The following CSF2RA variants were observed in gnomAD, a reference collection of about 807,000 sequenced individuals.
The protein encoded by CSF2RA is granulocyte-macrophage colony-stimulating factor receptor subunit alpha.
Under a neutral mutation model 51.6 loss-of-function variants are expected in CSF2RA, and 42 were observed. The ratio of observed to expected loss-of-function variants is 0.81; its 90% confidence interval spans 0.64 to 1.05. The LOEUF (loss-of-function observed/expected upper bound fraction) is 1.05. Ranked by LOEUF, CSF2RA falls within the 50% of genes least tolerant of loss-of-function variation. The probability of loss-of-function intolerance (pLI) is 0.00; values close to 1 mark genes in which losing one functional copy is unlikely to be tolerated. For synonymous variants in CSF2RA, 222 were observed against 193.0 expected (o/e 1.15, Z -1.24); for missense variants, 530 against 501.1 (o/e 1.06, Z -0.55).
chrX:1,280,585 T>C (rs2089781779), intron 2 of CSF2RA, among the ~76,000 whole-genome samples: 1 of 152,102 alleles, frequency 6.6e-6, no homozygotes, highest in Admixed American at 6.6e-5. Flanking sequence ...AAACATTTTC[T>C]GGTTGACAAT....
At chrX:1,309,221 A>G (rs1280126764) in intron 12 of CSF2RA, among the ~76,000 whole-genome samples, 181 bp from the exon 13 acceptor site, 1 of 152,108 alleles carries the variant, frequency 6.6e-6, no homozygotes, top group Non-Finnish European at 1.5e-5. Flanking sequence ...AGGCTGAGGC[A>G]GGAGAATCGC....
intron 11 of CSF2RA, among the ~76,000 whole-genome samples, chrX:1,304,847 T>A (rs2083396173): frequency 6.7e-6 from 1 of 150,124 alleles, no homozygotes; most frequent in African/African-American, 2.5e-5. Context: ...GTATTTTTAG[T>A]AGAGATGGGG....
chrX:1,315,330 A>G (rs1443469962), downstream of CSF2RA, among the ~76,000 whole-genome samples: 3 of 152,296 alleles, frequency 2.0e-5, no homozygotes, highest in East Asian at 5.8e-4. Flanking sequence ...ATAGATGTAT[A>G]GGTAACAGAT....
intron 4 of CSF2RA, among the ~76,000 whole-genome samples, chrX:1,286,223 AGCTCGT>A (rs1190549204): frequency 1.3e-5 from 2 of 152,006 alleles, no homozygotes; most frequent in East Asian, 3.9e-4. Context: ...CAGTGAGTCG[AGCTCGT>A]GCCATTGCAC....
intron 11 of CSF2RA, among the ~76,000 whole-genome samples, chrX:1,304,557 C>T (rs1193164581): frequency 6.6e-6 from 1 of 151,728 alleles, no homozygotes; most frequent in Non-Finnish European, 1.5e-5. Flanking sequence ...TCTGAAGTCA[C>T]TGCTGTTGAA....
At chrX:1,294,683 A>G (rs747335831) in intron 8 of CSF2RA, among the ~76,000 whole-genome samples, 13 of 152,086 alleles carry the variant, frequency 8.5e-5, no homozygotes, top group Admixed American at 2.6e-4. Context: ...GACAAGGATG[A>G]TCCTGCAACC....
chrX:1,323,385 T>G, the CSF2RA span, among the ~76,000 whole-genome samples: 1 of 151,742 alleles, frequency 6.6e-6, no homozygotes, highest in Non-Finnish European at 1.5e-5. Flanking sequence ...TTCCTGTTAT[T>G]AAACGTCCAT....
rs111492154 is a variant in CSF2RA at position 1,301,463 on chromosome X, G to A, written c.946+837G>A. 4.1e-3 allele frequency among the ~76,000 whole-genome samples: 619 copies of A among 151,878 alleles called. 2 individuals carry two copies. The highest frequency in any genetic ancestry group is 0.014 in the African/African-American group (590 of 41,450). On this transcript the variant is annotated intron_variant, in intron 10 of 12. Coordinates refer to ENST00000381529, the MANE Select transcript of CSF2RA (RefSeq NM_172245.4). ...TAGAATCCCTTAATAGCCAGAGAAG[G>A]ACCCCACTGATAGCCCTCCTAAAGT... is the stretch of plus-strand genomic sequence containing the variant.
Position 1,284,195 on chromosome X carries a change from C to T in CSF2RA, c.76+1416C>T, listed in dbSNP as rs868659545. 4.7e-4 allele frequency among the ~76,000 whole-genome samples: 43 copies of T among 91,772 alleles called. 1 individual carries two copies. The highest frequency in any genetic ancestry group is 1.5e-3 in the African/African-American group (38 of 25,402). The allele number at this position is 91,772 out of a possible 152,430, so 60.2% of individuals were successfully genotyped here. Reference sequence around the variant, plus strand: ...CAAGCGGTTTTCTTTCTCTGTCTCTCTTTTTTTTTTTTTTTTTTTTTTTTT... The same window carrying T: ...CAAGCGGTTTTCTTTCTCTGTCTCTTTTTTTTTTTTTTTTTTTTTTTTTTT... On this transcript the variant is annotated intron_variant, in intron 3 of 12. Coordinates refer to ENST00000381529, the MANE Select transcript of CSF2RA (RefSeq NM_172245.4).
At chrX:1,288,392 G>C (rs1369510665) in intron 4 of CSF2RA, 127 bp from the exon 5 acceptor site, 1 of 981,200 alleles carries the variant, frequency 1.0e-6, no homozygotes, top group East Asian at 2.7e-5. Context: ...TGAGGCGGGA[G>C]AATTGCTTGA....
In CSF2RA at chrX:1,288,511, T is replaced by C; in HGVS notation, c.220-8T>C. ...CCTAATCGGCTCTGTCTGGTTGCAATTCTTCAGCTCAGTAACAACGAATGT... is the reference window on the plus strand; with the variant it reads ...CCTAATCGGCTCTGTCTGGTTGCAACTCTTCAGCTCAGTAACAACGAATGT... On this transcript the variant is annotated splice_region_variant and splice_polypyrimidine_tract_variant and intron_variant, in intron 4 of 12. Transcript: ENST00000381529. 6.2e-7 allele frequency: 1 copy of C among 1,613,938 alleles called. No homozygotes were observed. Among genetic ancestry groups the C allele is most frequent in the Non-Finnish European group, 8.5e-7 (1 of 1,179,862 alleles).
At chrX:1,305,637 C>T (rs764531459) in intron 12 of CSF2RA, 110 bp downstream of exon 12, 1 of 1,612,538 alleles carries the variant, frequency 6.2e-7, no homozygotes, top group South Asian at 1.1e-5. Flanking sequence ...GATGGGACCG[C>T]AGCGTCACCA....
chrX:1,269,347 G>C (rs1441185684), intron 1 of CSF2RA, among the ~76,000 whole-genome samples: 3 of 152,058 alleles, frequency 2.0e-5, no homozygotes, highest in African/African-American at 4.8e-5. Flanking sequence ...GCGGCCGGGC[G>C]TGGTGGCTCA....
downstream of CSF2RA, among the ~76,000 whole-genome samples, chrX:1,314,573 ACCTGC>A (rs1569514954): frequency 5.6e-4 from 21 of 37,396 alleles, no homozygotes; most frequent in Non-Finnish European, 7.3e-4. Flanking sequence ...ATCCCACTGC[ACCTGC>A]CCAACCCCAC....
At chrX:1,280,235 G>GAT (rs2089718141) in intron 2 of CSF2RA, among the ~76,000 whole-genome samples, 3 of 152,088 alleles carry the variant, frequency 2.0e-5, no homozygotes, top group Non-Finnish European at 4.4e-5. Context: ...AGTTTGAGAA[G>GAT]CTGAGGCAGG....
chrX:1,270,684 C>G (rs146110852), intron 1 of CSF2RA, among the ~76,000 whole-genome samples: 1 of 151,558 alleles, frequency 6.6e-6, no homozygotes, highest in Non-Finnish European at 1.5e-5. Flanking sequence ...TATCTTGCGT[C>G]AGGAATGGCT....
At chrX:1,288,098 A>C (rs1168494596) in intron 4 of CSF2RA, among the ~76,000 whole-genome samples, 1 of 151,992 alleles carries the variant, frequency 6.6e-6, no homozygotes, top group Non-Finnish European at 1.5e-5. Context: ...GCAAGCTGGT[A>C]TTCAGCGTAT....
chrX:1,321,048 C>T, the CSF2RA span, among the ~76,000 whole-genome samples: 166 of 151,314 alleles, frequency 1.1e-3, no homozygotes, highest in Admixed American at 1.7e-3. Flanking sequence ...TTCACCATGT[C>T]AGTCAGGCTG....
intron 2 of CSF2RA, among the ~76,000 whole-genome samples, chrX:1,281,007 CTTCT>C (rs2089927082): frequency 8.3e-6 from 1 of 120,918 alleles, no homozygotes; most frequent in African/African-American, 3.0e-5. Flanking sequence ...CCTCCTCCTC[CTTCT>C]CCTCCTCCTC....
Sources: gnomAD v4.1 joint callset for allele counts (sites outside exome capture counted in the v4.1 genomes callset) on GRCh38, gnomAD v4.1.1 for gene constraint, MANE v1.5 for transcripts, NCBI Gene and HGNC (gene_info 2026-07-23, HGNC 2026-07-21) for gene names.